The following FBXL5 variants were observed in gnomAD, a reference collection of about 807,000 sequenced individuals.
FBXL5 encodes the protein F-box and leucine rich repeat protein 5.
In FBXL5, 26 loss-of-function variants were observed where a neutral mutation model predicts 78.3. That is an observed-to-expected ratio of 0.33 (90% CI 0.24 to 0.46). FBXL5 has a LOEUF of 0.46. FBXL5 is among the 20% of genes least tolerant of loss of function. The pLI is 1.00. For synonymous variants in FBXL5, 295 were observed against 282.5 expected, an observed-to-expected ratio of 1.04 and a Z score of -0.45; for missense variants, 710 against 829.2, an observed-to-expected ratio of 0.86 and a Z score of 1.77.
Position 15,638,677 on chromosome 4 carries a change from T to C in FBXL5, c.414A>G (p.Leu138=), listed in dbSNP as rs763836437. 6.3e-7 allele frequency: 1 copy of C among 1,591,626 alleles called. No individual in the cohort carries two copies. Among genetic ancestry groups the C allele is most frequent in the East Asian group, 2.2e-5 (1 of 44,718 alleles). The part of the protein sequence containing the change: ...KEEEEVFQPM[L]MEYFTYEELK... ...GCTCTTCATAGGTAAAATATTCCAT[T>C]AACATGGGCTGAAAAACCTAAATTA... The change falls in exon 4 of 11, where the codon TTA becomes TTG. Residue 138 remains leucine (L), a synonymous_variant. Coordinates refer to ENST00000341285, the MANE Select transcript of FBXL5 (RefSeq NM_012161.4).
intron 2 of FBXL5, chr4:15,641,702 C>A (rs953569690): frequency 4.6e-6 from 2 of 431,804 alleles, no homozygotes; most frequent in South Asian, 3.3e-5. Context: ...CAACCCTAAT[C>A]CCCATGTTGT....
chr4:15,679,331 T>TTC (rs1277982831), intron 1 of FBXL5, among the ~76,000 whole-genome samples: 2 of 152,026 alleles, frequency 1.3e-5, no homozygotes, highest in East Asian at 3.9e-4. Context: ...GGATTACAGG[T>TTC]GTGAGCCACC....
intron 1 of FBXL5, among the ~76,000 whole-genome samples, chr4:15,670,258 T>C (rs757359466): frequency 7.9e-5 from 12 of 152,218 alleles, no homozygotes; most frequent in Admixed American, 5.2e-4. Flanking sequence ...AAATATTTCA[T>C]TTTCTCTTGG....
At chr4:15,625,099 A>G (rs1342117324) in intron 9 of FBXL5, among the ~76,000 whole-genome samples, 153 bp downstream of exon 9, 1 of 152,252 alleles carries the variant, frequency 6.6e-6, no homozygotes, top group East Asian at 1.9e-4. Flanking sequence ...AACAGAAGTT[A>G]CACTGCTCCA....
chr4:15,650,223 T>G (rs1035097707), intron 1 of FBXL5, among the ~76,000 whole-genome samples: 1 of 152,180 alleles, frequency 6.6e-6, no homozygotes, highest in Non-Finnish European at 1.5e-5. Flanking sequence ...ATCATCTGCC[T>G]CAAAATGTCA....
chr4:15,628,151 T>G, intron 6 of FBXL5, 118 bp from the exon 7 acceptor site: 1 of 970,712 alleles, frequency 1.0e-6, no homozygotes, highest in Non-Finnish European at 1.5e-6. Context: ...CTTTCTTATG[T>G]AAACCATCCC....
chr4:15,614,514 G>C (rs980251773), intron 9 of FBXL5, among the ~76,000 whole-genome samples: 1 of 152,132 alleles, frequency 6.6e-6, no homozygotes, highest in Non-Finnish European at 1.5e-5. Flanking sequence ...TCAGGCAGTG[G>C]GCAGGGCCAT....
In FBXL5 at chr4:15,604,458, C is replaced by T. The variant is rs1721753140; in HGVS notation, c.*1265G>A. On this transcript the variant is annotated 3_prime_UTR_variant, in exon 11 of 11. Transcript: ENST00000341285. The stretch of plus-strand genomic sequence containing the variant: ...GCAATTACAATAGTAACAACAATCA[C>T]TGGCCACAGATCACCACAACAGATT... 1 of 151,984 alleles carries T rather than the reference C, an allele frequency of 6.6e-6. No individual in the cohort carries two copies. Among genetic ancestry groups the T allele is most frequent in the African/African-American group, 2.4e-5 (1 of 41,248 alleles). 9.4% of individuals were successfully genotyped at this position (151,984 alleles called of 1,614,324 possible). A position where few individuals can be genotyped will look rare whatever the true frequency, so the allele number is the denominator to read the frequency against.
chr4:15,625,134 G>C (rs1401408413), intron 9 of FBXL5, 118 bp downstream of exon 9: 2 of 1,157,850 alleles, frequency 1.7e-6, no homozygotes, highest in Non-Finnish European at 2.4e-6. Flanking sequence ...GGCAGATCTT[G>C]GTTAATCCTT....
chr4:15,624,223 A>T (rs2148570701), intron 9 of FBXL5, among the ~76,000 whole-genome samples: 1 of 152,296 alleles, frequency 6.6e-6, no homozygotes, highest in East Asian at 1.9e-4. Flanking sequence ...TCCCATTATC[A>T]AAGAAAAGCA....
intron 1 of FBXL5, among the ~76,000 whole-genome samples, chr4:15,679,523 A>C (rs1347837227): frequency 2.6e-5 from 4 of 151,304 alleles, no homozygotes; most frequent in Non-Finnish European, 5.9e-5. Flanking sequence ...ATATCCTTGA[A>C]TCTATCTAGA....
chr4:15,622,563 C>T (rs1712595469), intron 9 of FBXL5, among the ~76,000 whole-genome samples: 1 of 152,052 alleles, frequency 6.6e-6, no homozygotes, highest in Admixed American at 6.5e-5. Context: ...GTAAAGTACC[C>T]ATACTTTACT....
At chr4:15,670,911 A>C (rs913974556) in intron 1 of FBXL5, among the ~76,000 whole-genome samples, 1 of 129,954 alleles carries the variant, frequency 7.7e-6, no homozygotes, top group Non-Finnish European at 1.6e-5. Flanking sequence ...CTCTGTGCGT[A>C]GACTTTTTTT....
chr4:15,631,614 C>T (rs1375638947), intron 5 of FBXL5, among the ~76,000 whole-genome samples: 1 of 152,196 alleles, frequency 6.6e-6, no homozygotes, highest in East Asian at 1.9e-4. Flanking sequence ...GCCATTCTAA[C>T]TGGTGTGAGA....
upstream of FBXL5, among the ~76,000 whole-genome samples, chr4:15,657,485 A>G (rs1231525463): frequency 6.6e-6 from 1 of 152,238 alleles, no homozygotes. Flanking sequence ...AGACACATTA[A>G]AAAGGTATTT....
At position 15,625,993 on chromosome 4, in the gene FBXL5, A is replaced by C. The variant is rs1713017304; in HGVS notation, c.1125-16T>G. 2 of 1,528,650 alleles carry C rather than the reference A, an allele frequency of 1.3e-6. No homozygotes were observed. Among genetic ancestry groups the C allele is most frequent in the Admixed American group, 2.2e-5 (1 of 44,744 alleles). 94.7% of individuals were successfully genotyped at this position (1,528,650 alleles called of 1,614,324 possible). A position where few individuals can be genotyped will look rare whatever the true frequency, so the allele number is the denominator to read the frequency against. On this transcript the variant is annotated splice_polypyrimidine_tract_variant and intron_variant, in intron 8 of 10. Coordinates refer to ENST00000341285, the MANE Select transcript of FBXL5 (RefSeq NM_012161.4). ...CCAAGACCAACTATAATTAAAAGAC[A>C]AGACTATTAATGAATATTGTTAAAT...
chr4:15,638,542 A>T lies in FBXL5; in HGVS notation c.549T>A (p.Phe183Leu). ...ACTTTTCATCCACGGAATATTTAAA[A>T]AACTTCTGTCGCTCTTCAGCATGAT... ...LWNHAEERQK[F>L]FKYSVDEKSD... Residue 183 changes from phenylalanine to leucine, a missense_variant, in exon 4 of 11, where the codon TTT (phenylalanine) becomes TTA (leucine). Coordinates refer to ENST00000341285, the MANE Select transcript of FBXL5 (RefSeq NM_012161.4). The T allele has an allele frequency of 6.3e-7, 1 of 1,595,402 alleles. No homozygotes were observed. Among genetic ancestry groups the T allele is most frequent in the Middle Eastern group, 1.7e-4 (1 of 5,954 alleles).
At chr4:15,635,095 G>A (rs1160119295) in intron 5 of FBXL5, among the ~76,000 whole-genome samples, 3 of 152,156 alleles carry the variant, frequency 2.0e-5, no homozygotes, top group Non-Finnish European at 4.4e-5. Context: ...ACTTTGGGAG[G>A]CCGAGACGGG....
Position 15,625,623 on chromosome 4 carries a change from A to T in FBXL5, c.1479T>A (p.Thr493=). 6.2e-7 allele frequency: 1 copy of T among 1,614,198 alleles called. No homozygotes were observed. The highest frequency in any genetic ancestry group is 8.5e-7 in the Non-Finnish European group (1 of 1,180,040). The part of the protein sequence containing the change: ...DAEDLADIED[T]VEWRHRNVES... ...CAACATTTCTATGTCTCCATTCCAC[A>T]GTATCTTCAATATCAGCCAAATCTT... Residue 493 remains threonine (T), a synonymous_variant, in exon 9 of 11, where the codon ACT becomes ACA. Transcript: ENST00000341285.
Sources: gnomAD v4.1 joint callset for allele counts (sites outside exome capture counted in the v4.1 genomes callset) on GRCh38, gnomAD v4.1.1 for gene constraint, MANE v1.5 for transcripts, NCBI Gene and HGNC (gene_info 2026-07-23, HGNC 2026-07-21) for gene names.